Variants in MAN2B2 observed in about 807,000 individuals in gnomAD.
The protein encoded by MAN2B2 is mannosidase alpha class 2B member 2, also known as epididymis-specific alpha-mannosidase.
MAN2B2 carries 106 observed loss-of-function variants against 117.1 expected under a neutral mutation model. That is an observed-to-expected ratio of 0.90 (90% CI 0.77 to 1.06). MAN2B2 has a LOEUF of 1.06. Ranked by LOEUF, MAN2B2 falls within the 50% of genes least tolerant of loss-of-function variation. MAN2B2 has a pLI of 0.00. For missense variants in MAN2B2, 1,326 were observed against 1,381.4 expected (o/e 0.96, Z 0.64); for synonymous variants, 544 against 595.1 (o/e 0.91, Z 1.25).
chr4:6,615,550 ACTT>A (rs1436691213), intron 16 of MAN2B2, among the ~76,000 whole-genome samples: 2 of 152,086 alleles, frequency 1.3e-5, no homozygotes, highest in African/African-American at 2.4e-5. Context: ...TAATGCCAGC[ACTT>A]TGGGAGGCCG....
chr4:6,607,209 A>G (rs1577290546), intron 11 of MAN2B2, among the ~76,000 whole-genome samples: 1 of 151,666 alleles, frequency 6.6e-6, no homozygotes, highest in East Asian at 1.9e-4. Context: ...CTTTTTATTG[A>G]TTGATTGATT....
intron 5 of MAN2B2, among the ~76,000 whole-genome samples, chr4:6,592,139 C>T (rs982810464): frequency 1.3e-5 from 2 of 152,222 alleles, no homozygotes; most frequent in African/African-American, 4.8e-5. Flanking sequence ...GGTGCTTAGC[C>T]TCTCTTGGAA....
At chr4:6,617,173 T>C (rs571722635) in intron 16 of MAN2B2, among the ~76,000 whole-genome samples, 2 of 152,128 alleles carry the variant, frequency 1.3e-5, no homozygotes, top group Non-Finnish European at 2.9e-5. Context: ...CATGATTCAA[T>C]TACCTCCCAC....
At chr4:6,600,435 C>A (rs1727282314) in intron 9 of MAN2B2, among the ~76,000 whole-genome samples, 188 bp from the exon 10 acceptor site, 2 of 152,224 alleles carry the variant, frequency 1.3e-5, no homozygotes, top group Non-Finnish European at 2.9e-5. Context: ...AGCCAGACTG[C>A]AGAATGTAGC....
chr4:6,606,089 A>C (rs1225906484), intron 11 of MAN2B2, among the ~76,000 whole-genome samples: 1 of 152,194 alleles, frequency 6.6e-6, no homozygotes, highest in African/African-American at 2.4e-5. Flanking sequence ...TTGTCTCCTG[A>C]TGTGACCTTC....
intron 8 of MAN2B2, among the ~76,000 whole-genome samples, 167 bp downstream of exon 8, chr4:6,597,470 G>A (rs1727149089): frequency 6.6e-6 from 1 of 152,240 alleles, no homozygotes; most frequent in South Asian, 2.1e-4. Flanking sequence ...GGTGAACCCA[G>A]GCCAAGGCTG....
chr4:6,578,591 G>T, intron 3 of MAN2B2, 93 bp downstream of exon 3: 1 of 1,051,354 alleles, frequency 9.5e-7, no homozygotes, highest in Non-Finnish European at 1.4e-6. Context: ...AGCTCTGTCT[G>T]CCCCTCTTAG....
intron 8 of MAN2B2, among the ~76,000 whole-genome samples, chr4:6,597,660 C>T (rs1727157768): frequency 6.6e-6 from 1 of 152,252 alleles, no homozygotes; most frequent in South Asian, 2.1e-4. Context: ...ACCTAATTCC[C>T]TCCTGTACAA....
chr4:6,580,509 C>T (rs573269497), intron 3 of MAN2B2, among the ~76,000 whole-genome samples: 1 of 152,328 alleles, frequency 6.6e-6, no homozygotes, highest in South Asian at 2.1e-4. Flanking sequence ...CCTCCTGCCC[C>T]GTGCCAGCGA....
chr4:6,610,654 G>A (rs373416618), intron 13 of MAN2B2, among the ~76,000 whole-genome samples: 25 of 152,336 alleles, frequency 1.6e-4, no homozygotes, highest in African/African-American at 4.6e-4. Flanking sequence ...GAGATGATGC[G>A]TGGCCAGGGC....
In MAN2B2 at chr4:6,614,215, C is replaced by G. The variant is rs1478712259; in HGVS notation, c.2564-3C>G. The G allele has an allele frequency of 3.1e-6, 5 of 1,613,748 alleles. No individual in the cohort carries two copies. The highest frequency in any genetic ancestry group is 4.2e-6 in the Non-Finnish European group (5 of 1,179,856). ...CTCCTCACTCTGTCCATCTGCCTTG[C>G]AGGGACTGCGCCGAAGCTCCCAGGA... On this transcript the variant is annotated splice_polypyrimidine_tract_variant and splice_region_variant and intron_variant, in intron 15 of 18. Transcript: ENST00000285599.
chr4:6,584,683 G>T (rs1242772691), intron 3 of MAN2B2, among the ~76,000 whole-genome samples: 9 of 152,200 alleles, frequency 5.9e-5, no homozygotes, highest in Non-Finnish European at 1.3e-4. Context: ...TTAGATTTGG[G>T]TTTGCTGACA....
At chr4:6,616,910 G>A (rs1307281245) in intron 16 of MAN2B2, among the ~76,000 whole-genome samples, 1 of 152,264 alleles carries the variant, frequency 6.6e-6, no homozygotes, top group South Asian at 2.1e-4. Context: ...GAGTCTATTA[G>A]TCTGTTCTCA....
At chr4:6,578,601 G>A in intron 3 of MAN2B2, 103 bp downstream of exon 3, 1 of 932,274 alleles carries the variant, frequency 1.1e-6, no homozygotes, top group Non-Finnish European at 1.7e-6. Flanking sequence ...GCCCCTCTTA[G>A]TGGGGTCGGG....
chr4:6,604,834 G>T (rs1203531266), intron 10 of MAN2B2, among the ~76,000 whole-genome samples: 1 of 152,030 alleles, frequency 6.6e-6, no homozygotes, highest in Non-Finnish European at 1.5e-5. Flanking sequence ...AAGCTTTGGG[G>T]ACCCCAAGAA....
chr4:6,617,371 T>C lies in MAN2B2; in HGVS notation c.2702-9T>C, dbSNP rs758226853. 14 of 1,612,268 alleles carry C rather than the reference T, an allele frequency of 8.7e-6. No individual in the cohort carries two copies. The Admixed American group carries it at 2.3e-4, about 27-fold the overall frequency. On this transcript the variant is annotated splice_polypyrimidine_tract_variant and intron_variant, in intron 16 of 18. Coordinates refer to ENST00000285599, the MANE Select transcript of MAN2B2 (RefSeq NM_015274.3). ...GGTCTTCACTGCCACCTTCCTTCTGTCCCCAAAGGCCATCGAGGGGAAGCC... is the reference window on the plus strand; with the variant it reads ...GGTCTTCACTGCCACCTTCCTTCTGCCCCCAAAGGCCATCGAGGGGAAGCC...
intron 9 of MAN2B2, among the ~76,000 whole-genome samples, chr4:6,599,435 G>A (rs913330688): frequency 6.6e-6 from 1 of 152,010 alleles, no homozygotes; most frequent in Non-Finnish European, 1.5e-5. Flanking sequence ...GGCCGAGGCG[G>A]GTGGATTACG....
chr4:6,617,516 G>A (rs1711944862), intron 17 of MAN2B2, 24 bp downstream of exon 17: 1 of 1,613,278 alleles, frequency 6.2e-7, no homozygotes, highest in African/African-American at 1.3e-5. Context: ...CCCCCATCCA[G>A]ACCATAAGCC....
chr4:6,610,323 A>ATTTTTATATTG (rs1553913921), intron 13 of MAN2B2, among the ~76,000 whole-genome samples: 3 of 151,922 alleles, frequency 2.0e-5, no homozygotes, highest in African/African-American at 7.3e-5. Context: ...TGCCCAGCTA[A>ATTTTTATATTG]TTTTTATATT....
Sources: allele counts gnomAD v4.1 joint callset (sites outside exome capture counted in the v4.1 genomes callset), GRCh38; gene constraint gnomAD v4.1.1; transcripts MANE v1.5; gene names NCBI Gene and HGNC (gene_info 2026-07-23, HGNC 2026-07-21).